The following ADSS2 variants were observed in gnomAD, a reference collection of about 807,000 sequenced individuals.
ADSS2 encodes adenylosuccinate synthase 2.
Under a neutral mutation model 60.0 loss-of-function variants are expected in ADSS2, and 30 were observed. The ratio of observed to expected loss-of-function variants is 0.50; its 90% CI spans 0.37 to 0.68. The LOEUF (loss-of-function observed/expected upper bound fraction) is 0.68, where lower values mean the gene tolerates loss of function less well. ADSS2 is among the 30% of genes least tolerant of loss of function. ADSS2 has a pLI of 0.00. For missense variants in ADSS2, 373 were observed against 554.8 expected (o/e 0.67, Z 3.29); for synonymous variants, 187 against 193.1 (o/e 0.97, Z 0.26).
chr1:244,445,657 A>C (rs149256179), intron 1 of ADSS2, among the ~76,000 whole-genome samples: 1,662 of 152,032 alleles, frequency 0.011, 35 homozygotes, highest in African/African-American at 0.038. Flanking sequence ...TTAAAAAAAA[A>C]AAAAGTTTGG....
At position 244,451,051 on chromosome 1, in the gene ADSS2, G is replaced by A. The variant is rs1665562197; in HGVS notation, c.183+584C>T. Among the ~76,000 whole-genome samples, 1 of 152,226 alleles carries A rather than the reference G, an allele frequency of 6.6e-6. No individual in the cohort carries two copies. The highest frequency in any genetic ancestry group is 1.5e-5 in the Non-Finnish European group (1 of 68,044). On this transcript the variant is annotated intron_variant, in intron 1 of 12. Transcript: ENST00000366535. The surrounding 1 kb of genome is among the most constrained non-coding windows in gnomAD (Gnocchi z 6.6). ...CCCTAAAACAACAGTCCAAAGCCCA[G>A]AGGTGGGTGGGTTTGGATGTCAACA...
In ADSS2 at chr1:244,451,899, C is replaced by T; in HGVS notation, c.-82G>A. 1 of 1,367,206 alleles carries T rather than the reference C, an allele frequency of 7.3e-7. No homozygotes were observed. The highest frequency in any genetic ancestry group is 9.6e-7 in the Non-Finnish European group (1 of 1,043,164). The allele number at this position is 1,367,206 out of a possible 1,614,324, so 84.7% of individuals were successfully genotyped here. A position where few individuals can be genotyped will look rare whatever the true frequency, so the allele number is the denominator to read the frequency against. On this transcript the variant is annotated 5_prime_UTR_variant, in exon 1 of 13. An upstream open reading frame in the 5' UTR gains an earlier in-frame stop. Transcript: ENST00000366535. The surrounding 1 kb of genome is among the most constrained non-coding windows in gnomAD (Gnocchi z 6.6). Reference sequence around the variant, plus strand: ...ACTGAACTGCTCTGCGGCCGCCAGCCACATGCAGAGGAAGAAGGAGCCAGA... The same window carrying T: ...ACTGAACTGCTCTGCGGCCGCCAGCTACATGCAGAGGAAGAAGGAGCCAGA...
At position 244,417,518 on chromosome 1, in the gene ADSS2, T is replaced by C. The variant is rs1221183180; in HGVS notation, c.1070+110A>G. 6.8e-6 allele frequency: 9 copies of C among 1,327,334 alleles called. No homozygotes were observed. In the East Asian group the frequency reaches 2.2e-4, roughly 32 times the overall value. The allele number at this position is 1,327,334 out of a possible 1,614,324, so 82.2% of individuals were successfully genotyped here. Reference sequence around the variant, plus strand: ...CTTCTGCCTGGCACTACAATTTCAATATGGAGTCTAAAGAGTGAAATTTTC... The same window carrying C: ...CTTCTGCCTGGCACTACAATTTCAACATGGAGTCTAAAGAGTGAAATTTTC... On this transcript the variant is annotated intron_variant, in intron 10 of 12. Coordinates refer to ENST00000366535, the MANE Select transcript of ADSS2 (RefSeq NM_001126.5).
At chr1:244,427,410 A>C (rs1664832247) in intron 4 of ADSS2, among the ~76,000 whole-genome samples, 1 of 152,184 alleles carries the variant, frequency 6.6e-6, no homozygotes, top group Non-Finnish European at 1.5e-5. Flanking sequence ...AATCGAAAAG[A>C]AAGCAGGAAA....
intron 9 of ADSS2, 116 bp downstream of exon 9, chr1:244,418,644 T>C: frequency 9.2e-7 from 1 of 1,085,776 alleles, no homozygotes; most frequent in Non-Finnish European, 1.3e-6. Flanking sequence ...TAAGAAAATG[T>C]TGTTCTGACC....
chr1:244,451,649 C>T lies in ADSS2; in HGVS notation c.169G>A (p.Val57Met), dbSNP rs1178645291. ...VDLLAQDADI[V>M]CRCQGGNNAG... ...CGTCGCCTCACCTGGCAGCGGCACACGATGTCGGCGTCCTGCGCCAGCAGG... is the reference window on the plus strand; with the variant it reads ...CGTCGCCTCACCTGGCAGCGGCACATGATGTCGGCGTCCTGCGCCAGCAGG... Residue 57 changes from valine to methionine, a missense_variant, in exon 1 of 13, where the codon GTG becomes ATG. By Grantham distance (21) the Val-to-Met change is conservative. This residue lies in a region of ADSS2 where 29 missense variants were observed against 73.3 expected (regional missense o/e 0.40). Transcript: ENST00000366535. This position sits in a 1 kb window ranked among gnomAD's most constrained non-coding sequence, Gnocchi z 6.6. 1.9e-6 allele frequency: 3 copies of T among 1,610,218 alleles called. No homozygotes were observed. Among genetic ancestry groups the T allele is most frequent in the African/African-American group, 1.3e-5 (1 of 74,800 alleles).
chr1:244,449,209 A>C (rs1369790398), intron 1 of ADSS2, among the ~76,000 whole-genome samples: 3 of 152,338 alleles, frequency 2.0e-5, no homozygotes, highest in Admixed American at 2.0e-4. Flanking sequence ...TTATACATTA[A>C]AATTTATCAT....
Position 244,409,330 on chromosome 1 carries a change from G to GAAAA in ADSS2, c.*252_*255dup, listed in dbSNP as rs76040005. 5 of 310,560 alleles carry GAAAA rather than the reference G, an allele frequency of 1.6e-5. No individual in the cohort carries two copies. The highest frequency in any genetic ancestry group is 2.4e-5 in the Non-Finnish European group (4 of 169,030). The allele number at this position is 310,560 out of a possible 1,614,324, so 19.2% of individuals were successfully genotyped here. A position where few individuals can be genotyped will look rare whatever the true frequency, so the allele number is the denominator to read the frequency against. On this transcript the variant is annotated 3_prime_UTR_variant, in exon 13 of 13. Transcript: ENST00000366535. ...ATGGATTATACTATTACTAAACATT[G>GAAAA]AAAAAAAAAACGTGGCACCATGAGA... is the stretch of plus-strand genomic sequence containing the variant.
At chr1:244,415,687 C>T (rs577562836) in intron 11 of ADSS2, among the ~76,000 whole-genome samples, 1 of 152,280 alleles carries the variant, frequency 6.6e-6, no homozygotes, top group South Asian at 2.1e-4. Context: ...GAAGAAACAC[C>T]TCCATGGAAA....
At chr1:244,437,268 A>G (rs1665125845) in intron 2 of ADSS2, among the ~76,000 whole-genome samples, 2 of 152,188 alleles carry the variant, frequency 1.3e-5, no homozygotes, top group South Asian at 2.1e-4. Context: ...TTAAAAGGAG[A>G]GTAGAAAAGA....
chr1:244,445,741 C>G (rs1405594963), intron 1 of ADSS2, among the ~76,000 whole-genome samples: 1 of 152,134 alleles, frequency 6.6e-6, no homozygotes, highest in Non-Finnish European at 1.5e-5. Flanking sequence ...GGGCCTTCTC[C>G]TTCCCTAAAT....
chr1:244,448,599 C>T (rs1289225112), intron 1 of ADSS2, among the ~76,000 whole-genome samples: 1 of 152,166 alleles, frequency 6.6e-6, no homozygotes, highest in Admixed American at 6.5e-5. Context: ...ATAAGTAAGC[C>T]TTTGCTTAAA....
At chr1:244,448,237 T>C (rs2148017139) in intron 1 of ADSS2, among the ~76,000 whole-genome samples, 1 of 152,352 alleles carries the variant, frequency 6.6e-6, no homozygotes, top group East Asian at 1.9e-4. Flanking sequence ...TTTTAAATTA[T>C]CTTTCACCTT....
chr1:244,409,486 T>C lies in ADSS2; in HGVS notation c.*100A>G. 2 of 925,874 alleles carry C rather than the reference T, an allele frequency of 2.2e-6. No individual in the cohort carries two copies. Among genetic ancestry groups the C allele is most frequent in the Non-Finnish European group, 3.4e-6 (2 of 585,588 alleles). The allele number at this position is 925,874 out of a possible 1,614,324, so 57.4% of individuals were successfully genotyped here. On this transcript the variant is annotated 3_prime_UTR_variant, in exon 13 of 13. Coordinates refer to ENST00000366535, the MANE Select transcript of ADSS2 (RefSeq NM_001126.5). ...ACAACTGTAGGGCTTCAAACTTACT[T>C]CAGTGTCTTTATTCTTGAATTTGCA... is the stretch of plus-strand genomic sequence containing the variant.
At position 244,451,614 on chromosome 1, in the gene ADSS2, TGA is replaced by T. The variant is rs759571476; in HGVS notation, c.183+19_183+20del. On this transcript the variant is annotated intron_variant, in intron 1 of 12. Transcript: ENST00000366535. This position sits in a 1 kb window ranked among gnomAD's most constrained non-coding sequence, Gnocchi z 6.6. ...CCGAGCTCCCGGGCCCGGCTTCCCA[TGA>T]GAGGCCCCGTCGCCTCACCTGGCAG... 1.9e-6 allele frequency: 3 copies of T among 1,596,796 alleles called. No individual in the cohort carries two copies. The South Asian group carries it at 3.4e-5, about 18-fold the overall frequency.
At chr1:244,434,848 A>G (rs866815053) in intron 3 of ADSS2, among the ~76,000 whole-genome samples, 4 of 152,126 alleles carry the variant, frequency 2.6e-5, no homozygotes, top group Non-Finnish European at 4.4e-5. Context: ...AGTGGTTAAG[A>G]ACACCTGAAG....
intron 1 of ADSS2, among the ~76,000 whole-genome samples, chr1:244,438,823 A>G (rs1306592436): frequency 6.6e-6 from 1 of 152,132 alleles, no homozygotes; most frequent in Admixed American, 6.5e-5. Context: ...ATATTTTGAT[A>G]CAAGCATATG....
chr1:244,435,194 A>AAAAAAAAAAAAAAAAAAAAAAACAAAC (rs1553308065), intron 3 of ADSS2, among the ~76,000 whole-genome samples: 4 of 127,852 alleles, frequency 3.1e-5, no homozygotes, highest in African/African-American at 1.3e-4. Flanking sequence ...AAAAAAAAAA[A>AAAAAAAAAAAAAAAAAAAAAAACAAAC]AAACAAACCT....
At chr1:244,414,185 T>TAACA (rs10652281) in intron 11 of ADSS2, among the ~76,000 whole-genome samples, 9 of 151,576 alleles carry the variant, frequency 5.9e-5, no homozygotes, top group Non-Finnish European at 8.8e-5. Flanking sequence ...CCACAATGTC[T>TAACA]GTCAACCAAT....
Sources: gnomAD v4.1 joint callset for allele counts (sites outside exome capture counted in the v4.1 genomes callset) on GRCh38, gnomAD v4.1.1 for gene constraint, gnomAD v4.1.1 regional missense constraint, Gnocchi (gnomAD v3.1) non-coding constraint, MANE v1.5 for transcripts, NCBI Gene and HGNC (gene_info 2026-07-23, HGNC 2026-07-21) for gene names.